FMN2: variants seen among roughly 807,000 people sequenced by gnomAD.
FMN2 encodes formin 2, also known as formin-2.
FMN2 carries 51 observed loss-of-function variants against 142.3 expected under a neutral mutation model. That is an observed-to-expected ratio of 0.36 (90% CI 0.29 to 0.45). FMN2 has a LOEUF of 0.45. FMN2 is among the 20% of genes least tolerant of loss of function. FMN2 has a pLI of 1.00. For missense variants in FMN2, 1,936 were observed against 2,122.8 expected, an observed-to-expected ratio of 0.91 and a Z score of 1.73; for synonymous variants, 882 against 869.8, an observed-to-expected ratio of 1.01 and a Z score of -0.25.
intron 6 of FMN2, among the ~76,000 whole-genome samples, chr1:240,246,367 G>A (rs1324199868): frequency 1.3e-5 from 2 of 152,132 alleles, no homozygotes; most frequent in African/African-American, 2.4e-5. Context: ...GGCTGAGGTG[G>A]GAGGGATCAC....
chr1:240,336,246 A>G (rs988608125), intron 13 of FMN2, among the ~76,000 whole-genome samples: 1 of 152,200 alleles, frequency 6.6e-6, no homozygotes, highest in South Asian at 2.1e-4. Context: ...TACAAGTGCT[A>G]GGTGCCTACA....
chr1:240,216,239 G>A (rs1276084702), intron 6 of FMN2, among the ~76,000 whole-genome samples: 1 of 151,982 alleles, frequency 6.6e-6, no homozygotes. Flanking sequence ...TTATCCCATG[G>A]TAAAAAAAAG....
chr1:240,448,085 C>T (rs973194864), intron 16 of FMN2, among the ~76,000 whole-genome samples: 34 of 152,086 alleles, frequency 2.2e-4, no homozygotes, highest in African/African-American at 6.5e-4. Context: ...CCCCTGTACC[C>T]GAGTAATTTT....
At chr1:240,253,321 CA>C (rs1407712929) in intron 6 of FMN2, among the ~76,000 whole-genome samples, 1 of 151,944 alleles carries the variant, frequency 6.6e-6, no homozygotes, top group Admixed American at 6.6e-5. Context: ...TAGGTTATTT[CA>C]AAAGACCTGT....
At chr1:240,295,871 T>C (rs184197075) in intron 8 of FMN2, among the ~76,000 whole-genome samples, 149 of 152,352 alleles carry the variant, frequency 9.8e-4, no homozygotes, top group African/African-American at 3.3e-3. Flanking sequence ...CCAATTTACA[T>C]TCCCATCGAC....
chr1:240,205,715 C>G (rs1666322188), intron 4 of FMN2, among the ~76,000 whole-genome samples: 1 of 152,024 alleles, frequency 6.6e-6, no homozygotes, highest in Non-Finnish European at 1.5e-5. Context: ...CCCGCCTCGG[C>G]CTCCCAAAGT....
At chr1:240,101,937 T>G (rs1661430895) in intron 1 of FMN2, among the ~76,000 whole-genome samples, 2 of 152,212 alleles carry the variant, frequency 1.3e-5, no homozygotes, top group African/African-American at 4.8e-5. Context: ...TCATTACTTT[T>G]AGTTTCATTA....
At position 240,356,328 on chromosome 1, in the gene FMN2, A is replaced by G. The variant is rs186676026; in HGVS notation, c.4858+420A>G. 2.6e-3 allele frequency among the ~76,000 whole-genome samples: 402 copies of G among 152,286 alleles called. 3 individuals carry two copies. Among genetic ancestry groups the G allele is most frequent in the African/African-American group, 8.8e-3 (367 of 41,568 alleles). ...CTTGTCAAAACATTGTACCCAGGGA[A>G]CAAACTATATTGATGTTGTTCGGAT... On this transcript the variant is annotated intron_variant, in intron 14 of 17. Transcript: ENST00000319653.
At chr1:240,429,929 A>G (rs1243089200) in intron 15 of FMN2, among the ~76,000 whole-genome samples, 1 of 146,342 alleles carries the variant, frequency 6.8e-6, no homozygotes, top group Non-Finnish European at 1.5e-5. Context: ...TCTGCCGCCC[A>G]GGCTGGAGTG....
chr1:240,471,287 G>A (rs370034736), intron 16 of FMN2, among the ~76,000 whole-genome samples: 8 of 152,138 alleles, frequency 5.3e-5, no homozygotes, highest in African/African-American at 1.9e-4. Flanking sequence ...TTTATTGCAA[G>A]TGATTTGTAT....
intron 14 of FMN2, among the ~76,000 whole-genome samples, chr1:240,365,158 T>TATAC (rs1013170157): frequency 1.3e-5 from 2 of 148,326 alleles, no homozygotes; most frequent in Non-Finnish European, 1.5e-5. Flanking sequence ...TATATACACA[T>TATAC]ATACATACAT....
At chr1:240,333,970 CAT>C in intron 12 of FMN2, 24 bp downstream of exon 12, 1 of 1,592,466 alleles carries the variant, frequency 6.3e-7, no homozygotes, top group South Asian at 1.1e-5. Flanking sequence ...TACATATAGT[CAT>C]ATTCCATTAT....
At chr1:240,383,799 T>G (rs916762285) in intron 14 of FMN2, among the ~76,000 whole-genome samples, 1 of 152,034 alleles carries the variant, frequency 6.6e-6, no homozygotes, top group East Asian at 1.9e-4. Flanking sequence ...TTCATATGTT[T>G]ATTACAGCAC....
intron 8 of FMN2, among the ~76,000 whole-genome samples, chr1:240,328,167 A>AAAAAAGAAAG (rs1671250500): frequency 9.0e-4 from 127 of 140,928 alleles, no homozygotes; most frequent in African/African-American, 3.3e-3. Context: ...AAAAAAAAAA[A>AAAAAAGAAAG]AAAAAGAAAA....
rs1312704116 is a variant in FMN2 at position 240,170,732 on chromosome 1, A to C, written c.1783-7189A>C. On this transcript the variant is annotated intron_variant, in intron 2 of 17. Coordinates refer to ENST00000319653, the MANE Select transcript of FMN2 (RefSeq NM_020066.5). ...TATGGTGCTGCTGTGAACACTGTCA[A>C]GGTGGGGCCTGGCTCTGTTTGGGCC... 2.0e-6 allele frequency: 3 copies of C among 1,508,734 alleles called. No individual in the cohort carries two copies. The African/African-American group carries it at 4.3e-5, about 22-fold the overall frequency. 93.5% of individuals were successfully genotyped at this position (1,508,734 alleles called of 1,614,324 possible). A position where few individuals can be genotyped will look rare whatever the true frequency, so the allele number is the denominator to read the frequency against.
intron 2 of FMN2, chr1:240,144,346 C>T (rs1440940207): frequency 6.2e-7 from 1 of 1,605,860 alleles, no homozygotes; most frequent in Admixed American, 1.7e-5. Flanking sequence ...TGTCATCAGG[C>T]ACCTTGGGCT....
At chr1:240,448,916 G>T (rs1180058341) in intron 16 of FMN2, among the ~76,000 whole-genome samples, 1 of 152,122 alleles carries the variant, frequency 6.6e-6, no homozygotes, top group Non-Finnish European at 1.5e-5. Flanking sequence ...GCCAAGGCGG[G>T]TGGATGGCTG....
At chr1:240,274,607 T>C (rs566968394) in intron 7 of FMN2, among the ~76,000 whole-genome samples, 1 of 152,198 alleles carries the variant, frequency 6.6e-6, no homozygotes, top group African/African-American at 2.4e-5. Context: ...GTCTGATTTG[T>C]CTTCCAAGGG....
intron 13 of FMN2, among the ~76,000 whole-genome samples, chr1:240,344,235 C>T (rs951849131): frequency 1.3e-5 from 2 of 152,122 alleles, no homozygotes; most frequent in African/African-American, 4.8e-5. Flanking sequence ...ACAAATCTTT[C>T]TATTTTTAGG....
Sources: gnomAD v4.1 joint callset for allele counts (sites outside exome capture counted in the v4.1 genomes callset) on GRCh38, gnomAD v4.1.1 for gene constraint, MANE v1.5 for transcripts, NCBI Gene and HGNC (gene_info 2026-07-23, HGNC 2026-07-21) for gene names.